AHCTF1: variants seen among roughly 807,000 people sequenced by gnomAD.
AHCTF1 encodes protein ELYS.
In AHCTF1, 24 loss-of-function variants were observed where a neutral mutation model predicts 248.4. The observed-to-expected ratio is 0.10, with a 90% CI of 0.07 to 0.14. The LOEUF (loss-of-function observed/expected upper bound fraction) is 0.14, where lower values mean the gene tolerates loss of function less well. Among genes scored for constraint, AHCTF1 ranks in the 10% least tolerant of loss-of-function variants. The pLI, the probability that AHCTF1 is intolerant of heterozygous loss-of-function variation, is 1.00. For synonymous variants in AHCTF1, 786 were observed against 929.8 expected (o/e 0.85, Z 2.81); for missense variants, 2,206 against 2,636.2 (o/e 0.84, Z 3.57).
intron 25 of AHCTF1, 39 bp from the exon 26 acceptor site, chr1:246,867,390 G>A: frequency 1.5e-6 from 2 of 1,339,668 alleles, no homozygotes; most frequent in Non-Finnish European, 2.1e-6. Context: ...GTATCACAAG[G>A]AGCACTGATA....
chr1:246,915,888 CATTGCT>C (rs1234817253), intron 3 of AHCTF1, among the ~76,000 whole-genome samples: 4 of 152,172 alleles, frequency 2.6e-5, no homozygotes, highest in African/African-American at 7.2e-5. Context: ...CATTACATGT[CATTGCT>C]ATTTTTACTC....
At chr1:246,854,274 G>A (rs1660938299) in intron 31 of AHCTF1, among the ~76,000 whole-genome samples, 2 of 150,266 alleles carry the variant, frequency 1.3e-5, no homozygotes, top group South Asian at 4.3e-4. Context: ...ACTCTAGCCT[G>A]GGTGACAGAG....
At chr1:246,913,970 G>C (rs1039197118) in intron 3 of AHCTF1, among the ~76,000 whole-genome samples, 1 of 152,114 alleles carries the variant, frequency 6.6e-6, no homozygotes, top group Non-Finnish European at 1.5e-5. Flanking sequence ...ATACCTTAAA[G>C]ACTGAAGAGG....
rs944852731 is a variant in AHCTF1, at chr1:246,887,331, C to T, written c.2352G>A (p.Met784Ile). 11 of 1,610,928 alleles carry T rather than the reference C, an allele frequency of 6.8e-6. No homozygotes were observed. Among genetic ancestry groups the T allele is most frequent in the African/African-American group, 6.7e-5 (5 of 74,758 alleles). The change falls in exon 20 of 36, where the codon ATG (methionine) becomes ATA (isoleucine). Residue 784 changes from methionine (M) to isoleucine (I), a missense_variant. Physicochemically the swap from Met to Ile is conservative, Grantham distance 10. This residue lies in a region of AHCTF1 where 650 missense variants were observed against 870.8 expected (regional missense o/e 0.75). Transcript: ENST00000648844. Reference protein sequence around the residue: ...SITIYLLLDIMYSFPNKTDTP... With the variant: ...SITIYLLLDIIYSFPNKTDTP... Reference sequence around the variant, plus strand: ...TGTCTGTTTTGTTGGGAAAGGAATACATAATATCAAGTAGCAAATAAATGG... The same window carrying T: ...TGTCTGTTTTGTTGGGAAAGGAATATATAATATCAAGTAGCAAATAAATGG...
At chr1:246,870,894 C>T (rs866120166) in intron 24 of AHCTF1, among the ~76,000 whole-genome samples, 6 of 152,046 alleles carry the variant, frequency 3.9e-5, no homozygotes, top group Admixed American at 3.9e-4. Flanking sequence ...TTTAACAAAG[C>T]CTTTTTATAA....
At chr1:246,864,149 C>G (rs777888853) in intron 26 of AHCTF1, 33 bp from the exon 27 acceptor site, 14 of 1,589,524 alleles carry the variant, frequency 8.8e-6, no homozygotes, top group African/African-American at 1.4e-5. Context: ...TTGAGTTATA[C>G]TGAAAAAACA....
intron 14 of AHCTF1, among the ~76,000 whole-genome samples, chr1:246,893,661 T>C (rs1664369825): frequency 2.0e-5 from 3 of 152,202 alleles, no homozygotes; most frequent in South Asian, 2.1e-4. Context: ...CATCTATCCA[T>C]GGAGGACAGC....
intron 4 of AHCTF1, among the ~76,000 whole-genome samples, chr1:246,909,832 C>T (rs1309909560): frequency 1.3e-5 from 2 of 152,186 alleles, no homozygotes; most frequent in African/African-American, 2.4e-5. Flanking sequence ...CACTGTAGGA[C>T]GCTAAGCCAC....
At chr1:246,889,904 A>G (rs1468831634) in intron 17 of AHCTF1, 62 bp downstream of exon 17, 2 of 1,237,118 alleles carry the variant, frequency 1.6e-6, no homozygotes, top group African/African-American at 3.0e-5. Flanking sequence ...TAAAACGATG[A>G]ACACTATTCT....
chr1:246,866,859 A>G (rs955063210), intron 26 of AHCTF1, among the ~76,000 whole-genome samples: 3 of 152,210 alleles, frequency 2.0e-5, no homozygotes, highest in African/African-American at 7.2e-5. Flanking sequence ...GAAGCAACAC[A>G]AGACATTTTA....
chr1:246,876,099 C>T lies in AHCTF1; in HGVS notation c.3026G>A (p.Arg1009Gln), dbSNP rs138283580. The T allele has an allele frequency of 6.2e-6, 10 of 1,609,252 alleles. No homozygotes were observed. The highest frequency in any genetic ancestry group is 4.5e-5 in the East Asian group (2 of 44,826). The part of the protein sequence containing the change: ...QYGKILPRVH[R>Q]KLAIERAKPY... ...CTTAGCTCGTTCAATGGCTAATTTT[C>T]GATGGACTCTAGGAAGGATTTTTCC... The change falls in exon 24 of 36, where the codon CGA becomes CAA. Residue 1009 changes from arginine to glutamine, a missense_variant. Arg to Gln is a conservative substitution (Grantham distance 43). Transcript: ENST00000648844.
Position 246,840,078 on chromosome 1 carries a change from AC to A in AHCTF1, c.*727del, listed in dbSNP as rs965155900. On this transcript the variant is annotated 3_prime_UTR_variant, in exon 36 of 36. Transcript: ENST00000648844. ...CAATATCCATAAACAGATTTATTTT[AC>A]ATTTCCCTTTGTCAAACCCTTTGAT... 35 of 152,666 alleles carry A rather than the reference AC, an allele frequency of 2.3e-4. No individual in the cohort carries two copies. The highest frequency in any genetic ancestry group is 7.2e-4 in the African/African-American group (30 of 41,468). The allele number at this position is 152,666 out of a possible 1,614,324, so 9.5% of individuals were successfully genotyped here. A position where few individuals can be genotyped will look rare whatever the true frequency, so the allele number is the denominator to read the frequency against.
chr1:246,867,666 G>A lies in AHCTF1; in HGVS notation c.3234C>T (p.Phe1078=), dbSNP rs1355364969. The A allele has an allele frequency of 6.2e-7, 1 of 1,611,380 alleles. No individual in the cohort carries two copies. Among genetic ancestry groups the A allele is most frequent in the African/African-American group, 1.3e-5 (1 of 74,800 alleles). ...SKEPINSTTP[F]NSSKIEEPSP... ...AAACGTGTAAGAAAACATACCTATT[G>A]AAAGGTGTGGTGCTATTTATAGGTT... is the stretch of plus-strand genomic sequence containing the variant. Residue 1078 remains phenylalanine, a synonymous_variant, in exon 25 of 36, where the codon TTC becomes TTT. Coordinates refer to ENST00000648844, the MANE Select transcript of AHCTF1 (RefSeq NM_001323342.2).
At chr1:246,892,323 T>C (rs868746095) in intron 14 of AHCTF1, among the ~76,000 whole-genome samples, 1 of 135,980 alleles carries the variant, frequency 7.4e-6, no homozygotes, top group African/African-American at 2.8e-5. Flanking sequence ...TTTTTTTTTT[T>C]TTTTTTTTGG....
intron 24 of AHCTF1, among the ~76,000 whole-genome samples, chr1:246,869,261 T>C (rs557226262): frequency 2.6e-4 from 40 of 152,206 alleles, no homozygotes; most frequent in Admixed American, 5.2e-4. Flanking sequence ...TTCCCCCGCG[T>C]CTCTCCCTTT....
chr1:246,889,350 C>T (rs551989638), intron 17 of AHCTF1, among the ~76,000 whole-genome samples: 1 of 152,240 alleles, frequency 6.6e-6, no homozygotes, highest in East Asian at 1.9e-4. Flanking sequence ...TCCAATGAGC[C>T]AGGCACTGCA....
At chr1:246,905,365 A>G (rs1691242) in intron 6 of AHCTF1, among the ~76,000 whole-genome samples, 176 bp downstream of exon 6, 92,038 of 151,900 alleles carry the variant, frequency 0.61, 30,126 homozygotes, top group African/African-American at 0.87. Context: ...AGGCATGGTG[A>G]CAGGCACCTG....
Position 246,840,939 on chromosome 1 carries a change from G to A in AHCTF1, c.6668C>T (p.Pro2223Leu), listed in dbSNP as rs767616942. 2.5e-6 allele frequency: 4 copies of A among 1,612,214 alleles called. No individual in the cohort carries two copies. The highest frequency in any genetic ancestry group is 3.4e-6 in the Non-Finnish European group (4 of 1,179,322). ...GACTCCGTCAGCTGGGCTAGCCAAG[G>A]GGGAAATCAGCCGAATTTCTATGGG... The part of the protein sequence containing the change: ...PPPIEIRLIS[P>L]LASPADGVKS... The change falls in exon 36 of 36, where the codon CCC becomes CTC. Residue 2223 changes from proline to leucine, a missense_variant. Around this residue, in one of 6 missense-constraint regions of AHCTF1, gnomAD observed 469 missense variants for 470.0 expected, o/e 1.00. Coordinates refer to ENST00000648844, the MANE Select transcript of AHCTF1 (RefSeq NM_001323342.2).
intron 24 of AHCTF1, among the ~76,000 whole-genome samples, chr1:246,872,051 C>CAAAAAAAAAAA (rs753977798): frequency 4.8e-5 from 4 of 83,716 alleles, no homozygotes; most frequent in East Asian, 3.9e-4. Context: ...CTATTAATGA[C>CAAAAAAAAAAA]AAAAAAAAAA....
Sources: allele counts gnomAD v4.1 joint callset (sites outside exome capture counted in the v4.1 genomes callset), GRCh38; gene constraint gnomAD v4.1.1; regional missense constraint gnomAD v4.1.1; transcripts MANE v1.5; gene names NCBI Gene and HGNC (gene_info 2026-07-23, HGNC 2026-07-21).